PCGF6: variants seen among roughly 807,000 people sequenced by gnomAD.
PCGF6 encodes polycomb group RING finger protein 6.
PCGF6 carries 24 observed loss-of-function variants against 45.5 expected under a neutral mutation model. The observed-to-expected ratio is 0.53, with a 90% CI of 0.38 to 0.74. The LOEUF is 0.74. PCGF6 is among the 30% of genes least tolerant of loss of function. The pLI is 0.00. For synonymous variants in PCGF6, 152 were observed against 162.1 expected (o/e 0.94, Z 0.47); for missense variants, 356 against 443.2 (o/e 0.80, Z 1.77).
At chr10:103,341,234 A>T (rs1424091315) in intron 6 of PCGF6, among the ~76,000 whole-genome samples, 2 of 151,552 alleles carry the variant, frequency 1.3e-5, no homozygotes, top group Non-Finnish European at 2.9e-5. Flanking sequence ...CGTCTCAAAA[A>T]CAAAAAAAAA....
At chr10:103,322,423 C>T (rs2093200982) in intron 8 of PCGF6, among the ~76,000 whole-genome samples, 1 of 150,600 alleles carries the variant, frequency 6.6e-6, no homozygotes, top group Non-Finnish European at 1.5e-5. Flanking sequence ...CCAGGCTGGT[C>T]TCAAACTCCT....
chr10:103,333,610 T>C (rs551651373), intron 7 of PCGF6, among the ~76,000 whole-genome samples: 1 of 152,128 alleles, frequency 6.6e-6, no homozygotes, highest in African/African-American at 2.4e-5. Context: ...AAATGTTACA[T>C]GCAAATAAAA....
intron 7 of PCGF6, 54 bp from the exon 8 acceptor site, chr10:103,326,686 A>C (rs772842390): frequency 1.5e-6 from 2 of 1,292,450 alleles, no homozygotes; most frequent in Non-Finnish European, 1.1e-6. Flanking sequence ...CTGTACATGC[A>C]TGACGTATGT....
chr10:103,316,077 T>A (rs1167769975), intron 8 of PCGF6, among the ~76,000 whole-genome samples: 1 of 150,250 alleles, frequency 6.7e-6, no homozygotes, highest in African/African-American at 2.5e-5. Flanking sequence ...CTCCTAACAT[T>A]ACTATTTAGA....
intron 9 of PCGF6, chr10:103,312,711 C>T (rs2093161642): frequency 6.6e-6 from 1 of 152,276 alleles, no homozygotes; most frequent in Admixed American, 6.5e-5. Flanking sequence ...CCTGTAATCC[C>T]AGCACTTTGG....
intron 8 of PCGF6, among the ~76,000 whole-genome samples, chr10:103,324,349 C>A (rs1021292180): frequency 1.2e-4 from 16 of 138,250 alleles, no homozygotes; most frequent in Non-Finnish European, 1.5e-4. Flanking sequence ...AAAGAAAAAG[C>A]AAAGCTATAT....
intron 8 of PCGF6, among the ~76,000 whole-genome samples, chr10:103,317,900 A>G (rs908447645): frequency 6.6e-6 from 1 of 151,814 alleles, no homozygotes; most frequent in Non-Finnish European, 1.5e-5. Flanking sequence ...CTGGGATTAC[A>G]GGCATGCATC....
intron 6 of PCGF6, among the ~76,000 whole-genome samples, chr10:103,340,789 G>T (rs943354904): frequency 7.2e-5 from 11 of 152,114 alleles, no homozygotes; most frequent in African/African-American, 2.6e-4. Flanking sequence ...TTTTTGTAGA[G>T]ACAGGGTTTT....
intron 7 of PCGF6, among the ~76,000 whole-genome samples, chr10:103,332,836 C>T (rs956179228): frequency 7.2e-5 from 11 of 151,982 alleles, no homozygotes; most frequent in Non-Finnish European, 1.2e-4. Flanking sequence ...GATTTATGGT[C>T]GGGCGCAGTG....
intron 5 of PCGF6, among the ~76,000 whole-genome samples, chr10:103,346,150 A>G (rs971278671): frequency 6.6e-6 from 1 of 150,880 alleles, no homozygotes; most frequent in African/African-American, 2.4e-5. Context: ...AGCCAAGATC[A>G]TGCCACTGCA....
rs1400934696 is a variant in PCGF6, at chr10:103,303,152, G to A, written c.*753C>T. ...CTCCTAAAATTTTTTATTACTTTCAGAAGCAATACTATTGCAAGGTATCAA... is the reference window on the plus strand; with the variant it reads ...CTCCTAAAATTTTTTATTACTTTCAAAAGCAATACTATTGCAAGGTATCAA... On this transcript the variant is annotated 3_prime_UTR_variant, in exon 10 of 10. Transcript: ENST00000369847. 6.6e-6 allele frequency: 1 copy of A among 152,478 alleles called. No homozygotes were observed. Among genetic ancestry groups the A allele is most frequent in the Non-Finnish European group, 1.5e-5 (1 of 68,024 alleles). The allele number at this position is 152,478 out of a possible 1,614,324, so 9.4% of individuals were successfully genotyped here. A position where few individuals can be genotyped will look rare whatever the true frequency, so the allele number is the denominator to read the frequency against.
chr10:103,336,501 G>A (rs2093257905), intron 6 of PCGF6, among the ~76,000 whole-genome samples: 1 of 152,052 alleles, frequency 6.6e-6, no homozygotes, highest in Non-Finnish European at 1.5e-5. Context: ...TGGTACATGG[G>A]CATCAGCTTC....
intron 8 of PCGF6, among the ~76,000 whole-genome samples, chr10:103,315,594 G>C (rs1362791909): frequency 1.3e-5 from 2 of 152,070 alleles, no homozygotes; most frequent in African/African-American, 2.4e-5. Flanking sequence ...CTCCTGACCT[G>C]ATGATCCGCC....
intron 8 of PCGF6, among the ~76,000 whole-genome samples, chr10:103,317,042 A>G (rs1311983692): frequency 1.3e-5 from 2 of 152,132 alleles, no homozygotes; most frequent in African/African-American, 4.8e-5. Context: ...CAAGAGTCTC[A>G]CTCTGTCGCC....
chr10:103,322,729 C>A (rs1293438323), intron 8 of PCGF6, among the ~76,000 whole-genome samples: 1 of 151,908 alleles, frequency 6.6e-6, no homozygotes, highest in Non-Finnish European at 1.5e-5. Flanking sequence ...GAGGCTGAGG[C>A]AGGAGAATTG....
intron 7 of PCGF6, among the ~76,000 whole-genome samples, chr10:103,327,438 A>G (rs1162269938): frequency 6.6e-6 from 1 of 152,212 alleles, no homozygotes; most frequent in Non-Finnish European, 1.5e-5. Context: ...CCTGATTGAA[A>G]AACTATCAAC....
intron 6 of PCGF6, among the ~76,000 whole-genome samples, chr10:103,335,516 C>A (rs2093253481): frequency 6.6e-6 from 1 of 152,076 alleles, no homozygotes; most frequent in East Asian, 1.9e-4. Flanking sequence ...GCACCCACCA[C>A]CACACCCGGC....
At chr10:103,342,572 A>G (rs1176344466) in intron 6 of PCGF6, among the ~76,000 whole-genome samples, 1 of 152,076 alleles carries the variant, frequency 6.6e-6, no homozygotes, top group Non-Finnish European at 1.5e-5. Context: ...TGGCCTGTAC[A>G]CATAAAAAGT....
intron 1 of PCGF6, among the ~76,000 whole-genome samples, chr10:103,349,802 G>A (rs1395486320): frequency 6.6e-6 from 1 of 150,518 alleles, no homozygotes; most frequent in African/African-American, 2.4e-5. Flanking sequence ...GGATCTTTAC[G>A]CTGGGCGCAG....
Sources: allele counts gnomAD v4.1 joint callset (sites outside exome capture counted in the v4.1 genomes callset), GRCh38; gene constraint gnomAD v4.1.1; transcripts MANE v1.5; gene names NCBI Gene and HGNC (gene_info 2026-07-23, HGNC 2026-07-21).